TMEM117: variants seen among roughly 807,000 people sequenced by gnomAD.
TMEM117 encodes the protein transmembrane protein 117.
Under a neutral mutation model 52.4 loss-of-function variants are expected in TMEM117, and 27 were observed. That is an observed-to-expected ratio of 0.51 (90% CI 0.38 to 0.71). TMEM117 has a LOEUF of 0.71. Ranked by LOEUF, TMEM117 falls within the 30% of genes least tolerant of loss-of-function variation. The pLI, the probability that TMEM117 is intolerant of heterozygous loss-of-function variation, is 0.00. For missense variants in TMEM117, 556 were observed against 630.5 expected (o/e 0.88, Z 1.26); for synonymous variants, 215 against 206.3 (o/e 1.04, Z -0.36).
chr12:44,223,438 G>C (rs1949817545), intron 5 of TMEM117, among the ~76,000 whole-genome samples: 1 of 140,908 alleles, frequency 7.1e-6, no homozygotes, highest in South Asian at 2.2e-4. Context: ...CCCCATACCA[G>C]ACCTTCTCCC....
chr12:44,190,961 ATT>A (rs1949344588), intron 4 of TMEM117, among the ~76,000 whole-genome samples: 1 of 145,198 alleles, frequency 6.9e-6, no homozygotes, highest in African/African-American at 2.5e-5. Context: ...GCTAATATAT[ATT>A]ATATATATAT....
intron 3 of TMEM117, among the ~76,000 whole-genome samples, chr12:44,131,218 T>G (rs1353177424): frequency 6.6e-6 from 1 of 152,144 alleles, no homozygotes; most frequent in Non-Finnish European, 1.5e-5. Context: ...TTCAAAATAT[T>G]TACTCTGCCT....
chr12:44,148,972 T>C (rs1477532535), intron 4 of TMEM117, among the ~76,000 whole-genome samples: 1 of 152,158 alleles, frequency 6.6e-6, no homozygotes, highest in Non-Finnish European at 1.5e-5. Flanking sequence ...TTTGCTCCTC[T>C]CCCTACCCCA....
At chr12:43,982,425 G>A (rs559677101) in intron 3 of TMEM117, among the ~76,000 whole-genome samples, 2 of 152,090 alleles carry the variant, frequency 1.3e-5, no homozygotes, top group Non-Finnish European at 2.9e-5. Context: ...CTGGCTTCAC[G>A]TTAGGTACAG....
At chr12:44,155,982 T>C (rs190047429) in intron 4 of TMEM117, among the ~76,000 whole-genome samples, 3 of 152,160 alleles carry the variant, frequency 2.0e-5, no homozygotes, top group Admixed American at 2.0e-4. Flanking sequence ...GGTTCTCCCT[T>C]TTCTGTCCAC....
chr12:44,182,930 CTCTA>C (rs1323085117), intron 4 of TMEM117, among the ~76,000 whole-genome samples: 8 of 152,250 alleles, frequency 5.3e-5, no homozygotes, highest in East Asian at 1.9e-4. Flanking sequence ...TAGTTGCCTT[CTCTA>C]TCTTAGTACA....
intron 5 of TMEM117, among the ~76,000 whole-genome samples, chr12:44,249,523 T>C (rs60400993): frequency 0.082 from 12,549 of 152,168 alleles, 1,491 homozygotes; most frequent in African/African-American, 0.27. Context: ...AAAAAGAGCC[T>C]GTGTAGCCAA....
intron 3 of TMEM117, among the ~76,000 whole-genome samples, chr12:44,128,497 G>A (rs1273618370): frequency 6.6e-6 from 1 of 152,212 alleles, no homozygotes; most frequent in Non-Finnish European, 1.5e-5. Flanking sequence ...GCATCCAGGA[G>A]GTGTTCAATC....
chr12:43,816,226 G>C, the TMEM117 span, among the ~76,000 whole-genome samples: 1 of 152,138 alleles, frequency 6.6e-6, no homozygotes, highest in African/African-American at 2.4e-5. Context: ...TTGTGGGCAA[G>C]GTGTTCTGTT....
chr12:44,251,016 A>T (rs2138511834), intron 5 of TMEM117, among the ~76,000 whole-genome samples: 1 of 152,242 alleles, frequency 6.6e-6, no homozygotes, highest in East Asian at 1.9e-4. Context: ...AAATAAAAAT[A>T]AAAATAAAGA....
At chr12:43,821,109 A>G in the TMEM117 span, among the ~76,000 whole-genome samples, 25 of 149,412 alleles carry the variant, frequency 1.7e-4, 1 homozygote, top group South Asian at 5.0e-3. Context: ...TAAAAAAAAA[A>G]AAAAGAAAAA....
At chr12:44,382,560 C>T (rs1437676049) in intron 7 of TMEM117, among the ~76,000 whole-genome samples, 3 of 152,096 alleles carry the variant, frequency 2.0e-5, no homozygotes, top group Admixed American at 6.6e-5. Context: ...GAAATGAACA[C>T]GACACAGTTC....
At position 44,152,598 on chromosome 12, in the gene TMEM117, T is replaced by TATAAATTTATATATATAATATTTATATCA. The variant is rs1273409544; in HGVS notation, c.510+8977_510+8978insAATTTATATATATAATATTTATATCAATA. Among the ~76,000 whole-genome samples the TATAAATTTATATATATAATATTTATATCA allele has an allele frequency of 4.6e-4, 54 of 118,298 alleles. 1 individual carries two copies. In the South Asian group the frequency reaches 7.4e-3, roughly 16 times the overall value. The allele number at this position is 118,298 out of a possible 152,430, so 77.6% of individuals were successfully genotyped here. A position where few individuals can be genotyped will look rare whatever the true frequency, so the allele number is the denominator to read the frequency against. On this transcript the variant is annotated intron_variant, in intron 4 of 7. Transcript: ENST00000266534. ...ATTTATATATATAATATTTATATCA[T>TATAAATTTATATATATAATATTTATATCA]ATATAAATTTTTATATACATAATAT...
At chr12:44,333,397 T>G (rs1208868960) in intron 6 of TMEM117, among the ~76,000 whole-genome samples, 1 of 151,992 alleles carries the variant, frequency 6.6e-6, no homozygotes, top group Non-Finnish European at 1.5e-5. Context: ...ATTGATATGG[T>G]TTGGCTGTGT....
At chr12:44,185,791 C>G (rs78349357) in intron 4 of TMEM117, among the ~76,000 whole-genome samples, 4,686 of 151,450 alleles carry the variant, frequency 0.031, 108 homozygotes, top group Admixed American at 0.043. Context: ...TAACATGATG[C>G]TCAAGAAAAT....
intron 5 of TMEM117, among the ~76,000 whole-genome samples, chr12:44,212,967 C>T (rs994910562): frequency 2.6e-5 from 4 of 152,176 alleles, no homozygotes; most frequent in Admixed American, 6.6e-5. Flanking sequence ...ATTTTCAATA[C>T]TGTTATGAAA....
chr12:43,951,641 C>A (rs1945224282), intron 3 of TMEM117, among the ~76,000 whole-genome samples: 1 of 152,202 alleles, frequency 6.6e-6, no homozygotes, highest in African/African-American at 2.4e-5. Context: ...GAACTCTCAT[C>A]TCCCTGGGAC....
chr12:44,373,813 GCT>G (rs1951899808), intron 6 of TMEM117, among the ~76,000 whole-genome samples: 1 of 110,318 alleles, frequency 9.1e-6, no homozygotes. Context: ...ATGGAGTCTC[GCT>G]CTGTCACCCA....
intron 7 of TMEM117, among the ~76,000 whole-genome samples, chr12:44,378,963 G>T (rs1236897106): frequency 6.6e-6 from 1 of 152,076 alleles, no homozygotes; most frequent in Admixed American, 6.6e-5. Flanking sequence ...GGCTTTTGAG[G>T]ATTCTGGAGC....
Sources: gnomAD v4.1 joint callset for allele counts (sites outside exome capture counted in the v4.1 genomes callset) on GRCh38, gnomAD v4.1.1 for gene constraint, MANE v1.5 for transcripts, NCBI Gene and HGNC (gene_info 2026-07-23, HGNC 2026-07-21) for gene names.